PDZRN3: variants seen among roughly 807,000 people sequenced by gnomAD.
PDZRN3 encodes the protein PDZ domain containing ring finger 3, also known as E3 ubiquitin-protein ligase PDZRN3.
Under a neutral mutation model 85.7 loss-of-function variants are expected in PDZRN3, and 38 were observed. That is an observed-to-expected ratio of 0.44 (90% CI 0.34 to 0.58). The LOEUF is 0.58. Among genes scored for constraint, PDZRN3 ranks in the 20% least tolerant of loss-of-function variants. The probability of loss-of-function intolerance (pLI) is 0.01; values close to 1 mark genes in which losing one functional copy is unlikely to be tolerated. For missense variants in PDZRN3, 1,629 were observed against 1,506.4 expected (o/e 1.08, Z -1.35); for synonymous variants, 759 against 638.0 (o/e 1.19, Z -2.86).
chr3:73,474,345 C>A (rs6549544), intron 3 of PDZRN3: 42,233 of 506,578 alleles, frequency 0.083, 4,975 homozygotes, highest in African/African-American at 0.42. Context: ...TTTACTTTAC[C>A]TATGCAGTAT....
At chr3:73,522,902 A>C (rs1310146094) in intron 3 of PDZRN3, among the ~76,000 whole-genome samples, 1 of 152,250 alleles carries the variant, frequency 6.6e-6, no homozygotes. Flanking sequence ...GCTAACTATG[A>C]ATTCACTCAA....
chr3:73,478,105 A>T (rs965713585), intron 3 of PDZRN3, among the ~76,000 whole-genome samples: 11 of 152,196 alleles, frequency 7.2e-5, no homozygotes, highest in African/African-American at 2.4e-4. Context: ...CAAAGCAAAG[A>T]AGGGTGAATT....
intron 3 of PDZRN3, among the ~76,000 whole-genome samples, chr3:73,420,985 A>G (rs1702189933): frequency 6.6e-6 from 1 of 152,224 alleles, no homozygotes; most frequent in South Asian, 2.1e-4. Flanking sequence ...TCACCTCTAG[A>G]TTATTTATAA....
At chr3:73,534,653 G>T (rs1248823406) in intron 3 of PDZRN3, among the ~76,000 whole-genome samples, 3 of 152,158 alleles carry the variant, frequency 2.0e-5, no homozygotes, top group Non-Finnish European at 2.9e-5. Context: ...GAGCCCCTAG[G>T]TCTTGCCTCG....
At chr3:73,590,542 G>A (rs765855364) in intron 3 of PDZRN3, among the ~76,000 whole-genome samples, 5 of 152,116 alleles carry the variant, frequency 3.3e-5, no homozygotes, top group Non-Finnish European at 7.4e-5. Context: ...AATAATAAAC[G>A]TCAACAACTT....
At chr3:73,421,169 C>A (rs1477241745) in intron 3 of PDZRN3, among the ~76,000 whole-genome samples, 1 of 152,160 alleles carries the variant, frequency 6.6e-6, no homozygotes, top group East Asian at 1.9e-4. Flanking sequence ...TATATGCCCA[C>A]ATAAAGAGCC....
chr3:73,397,025 C>A (rs1701651688), intron 5 of PDZRN3, among the ~76,000 whole-genome samples: 1 of 148,416 alleles, frequency 6.7e-6, no homozygotes, highest in South Asian at 2.1e-4. Flanking sequence ...TTATTTCTTT[C>A]TTCTTTTTCT....
At chr3:73,393,520 G>A (rs1701571252) in intron 5 of PDZRN3, among the ~76,000 whole-genome samples, 1 of 152,184 alleles carries the variant, frequency 6.6e-6, no homozygotes, top group African/African-American at 2.4e-5. Flanking sequence ...TTCAGGTGTT[G>A]GTGAACGCGT....
chr3:73,498,040 A>G (rs914522485), intron 3 of PDZRN3, among the ~76,000 whole-genome samples: 1 of 152,166 alleles, frequency 6.6e-6, no homozygotes, highest in African/African-American at 2.4e-5. Flanking sequence ...CTAGGCAGAG[A>G]TCTGTTATAT....
rs184689940 is a variant in PDZRN3 at position 73,566,004 on chromosome 3, C to G, written c.918+36350G>C. 2.0e-3 allele frequency among the ~76,000 whole-genome samples: 303 copies of G among 152,242 alleles called. 2 individuals carry two copies. The highest frequency in any genetic ancestry group is 7.0e-3 in the African/African-American group (290 of 41,532). ...ATAAACTGGATACCTTTTCTTACCT[C>G]CAGAAAAGTCAAACAGCTGAAAGCC... On this transcript the variant is annotated intron_variant, in intron 3 of 9. Transcript: ENST00000263666.
chr3:73,487,385 A>G (rs1703683617), intron 3 of PDZRN3, among the ~76,000 whole-genome samples: 1 of 152,196 alleles, frequency 6.6e-6, no homozygotes, highest in African/African-American at 2.4e-5. Context: ...TAAATAATAA[A>G]ACGGAGCAGA....
rs140185780 is a variant in PDZRN3 at position 73,473,039 on chromosome 3, G to A, written c.919-68644C>T. ...CAAAATTCTAGGCAAACTTGGATGT[G>A]TACACCTGAGCCTTATCACTGAAGA... On this transcript the variant is annotated intron_variant, in intron 3 of 9. Transcript: ENST00000263666. 7.9e-5 allele frequency among the ~76,000 whole-genome samples: 12 copies of A among 152,282 alleles called. No homozygotes were observed. In the East Asian group the frequency reaches 2.3e-3, roughly 29 times the overall value.
chr3:73,451,849 T>A (rs924342809), intron 3 of PDZRN3, among the ~76,000 whole-genome samples: 1 of 149,298 alleles, frequency 6.7e-6, no homozygotes, highest in Non-Finnish European at 1.5e-5. Flanking sequence ...TAGCTTCTCA[T>A]CACACACACA....
At chr3:73,583,274 C>T (rs1702226945) in intron 3 of PDZRN3, among the ~76,000 whole-genome samples, 1 of 152,180 alleles carries the variant, frequency 6.6e-6, no homozygotes, top group Admixed American at 6.5e-5. Context: ...GGATTCAAAC[C>T]CACACAGCTA....
At chr3:73,434,785 C>G (rs756160764) in intron 3 of PDZRN3, among the ~76,000 whole-genome samples, 1 of 152,214 alleles carries the variant, frequency 6.6e-6, no homozygotes, top group Non-Finnish European at 1.5e-5. Flanking sequence ...AAGCAGAGAG[C>G]TGCCAGATTC....
chr3:73,518,867 C>T (rs1046579496), intron 3 of PDZRN3, among the ~76,000 whole-genome samples: 1 of 152,180 alleles, frequency 6.6e-6, no homozygotes, highest in Admixed American at 6.5e-5. Flanking sequence ...ACACCATCAC[C>T]GTGAAGATGG....
rs1328749409 is a variant in PDZRN3, at chr3:73,504,433, T to C, written c.918+97921A>G. On this transcript the variant is annotated intron_variant, in intron 3 of 9. Transcript: ENST00000263666. The stretch of plus-strand genomic sequence containing the variant: ...AGTCAGATGACAAGCAGGGTTTTTA[T>C]GGGACCAGGAAGATTTTCATCTCCA... Among the ~76,000 whole-genome samples the C allele has an allele frequency of 1.2e-4, 18 of 152,350 alleles. No individual in the cohort carries two copies. In the East Asian group the frequency reaches 3.5e-3, roughly 29 times the overall value.
chr3:73,480,400 C>A (rs1363432118), intron 3 of PDZRN3, among the ~76,000 whole-genome samples: 1 of 152,198 alleles, frequency 6.6e-6, no homozygotes, highest in Non-Finnish European at 1.5e-5. Context: ...AAGATCCAGG[C>A]AAGAAGTCTC....
intron 1 of PDZRN3, among the ~76,000 whole-genome samples, chr3:73,620,451 C>T (rs888065432): frequency 2.0e-5 from 3 of 152,176 alleles, no homozygotes; most frequent in African/African-American, 7.2e-5. Context: ...GGGAGCAGAA[C>T]TCTTTAACTC....
Sources: gnomAD v4.1 joint callset for allele counts (sites outside exome capture counted in the v4.1 genomes callset) on GRCh38, gnomAD v4.1.1 for gene constraint, MANE v1.5 for transcripts, NCBI Gene and HGNC (gene_info 2026-07-23, HGNC 2026-07-21) for gene names.